Variants in LTBP4 observed in about 807,000 individuals in gnomAD.
LTBP4 encodes the protein latent-transforming growth factor beta-binding protein 4.
Under a neutral mutation model 180.2 loss-of-function variants are expected in LTBP4, and 93 were observed. The observed-to-expected ratio is 0.52, with a 90% CI of 0.44 to 0.61. The LOEUF (loss-of-function observed/expected upper bound fraction) is 0.61. Ranked by LOEUF, LTBP4 falls within the 20% of genes least tolerant of loss-of-function variation. The pLI, the probability that LTBP4 is intolerant of heterozygous loss-of-function variation, is 0.00. For synonymous variants in LTBP4, 947 were observed against 934.5 expected, an observed-to-expected ratio of 1.01 and a Z score of -0.24; for missense variants, 2,116 against 2,256.5, an observed-to-expected ratio of 0.94 and a Z score of 1.26.
rs188153481 is a variant in LTBP4, at chr19:40,593,716, G to C, written c.16+535G>C. ...ATATTAGAGTCATTTTTTTTTCCAG[G>C]CCGGAGAATCCAGAACGCTCGTGTT... On this transcript the variant is annotated intron_variant, in intron 1 of 32. Coordinates refer to the LTBP4 transcript ENST00000204005. 2.4e-4 allele frequency among the ~76,000 whole-genome samples: 36 copies of C among 151,450 alleles called. No individual in the cohort carries two copies. The East Asian group carries it at 5.6e-3, about 24-fold the overall frequency.
intron 26 of LTBP4, among the ~76,000 whole-genome samples, chr19:40,625,057 C>G (rs2081614181): frequency 6.6e-6 from 1 of 150,408 alleles, no homozygotes; most frequent in Non-Finnish European, 1.5e-5. Context: ...AGCTCTGTCT[C>G]TTGAACACTC....
rs1475386822 is a variant in LTBP4 at position 40,613,516 on chromosome 19, A to G, written c.2544A>G (p.Gly848=). 5.7e-6 allele frequency: 9 copies of G among 1,570,952 alleles called. No individual in the cohort carries two copies. Among genetic ancestry groups the G allele is most frequent in the African/African-American group, 1.4e-5 (1 of 73,776 alleles). ...CAPGYRPGPR[G]ASCLDVDECS... Reference sequence around the variant, plus strand: ...CTGGCTACCGACCCGGACCCCGCGGAGCCTCTTGCCTCGGTTCGTACCCGG... The same window carrying G: ...CTGGCTACCGACCCGGACCCCGCGGGGCCTCTTGCCTCGGTTCGTACCCGG... The change falls in exon 17 of 30, where the codon GGA becomes GGG. Residue 848 remains glycine (G), a synonymous_variant. Transcript: ENST00000396819. This position sits in a 1 kb window ranked among gnomAD's most constrained non-coding sequence, Gnocchi z 5.0.
upstream of LTBP4, chr19:40,601,317 G>T: frequency 2.1e-6 from 2 of 974,304 alleles, no homozygotes; most frequent in Non-Finnish European, 2.4e-6. Context: ...CCCCGCGGGC[G>T]GGCGGGCGGG....
Position 40,627,786 on chromosome 19 carries a change from G to C in LTBP4, c.4448G>C (p.Arg1483Pro). The C allele has an allele frequency of 6.4e-7, 1 of 1,570,368 alleles. No homozygotes were observed. Among genetic ancestry groups the C allele is most frequent in the Non-Finnish European group, 8.6e-7 (1 of 1,162,162 alleles). Residue 1483 changes from arginine (R) to proline (P), a missense_variant, in exon 29 of 30, where the codon CGC (arginine) becomes CCC (proline). Arg to Pro is a moderately radical substitution (Grantham distance 103). Coordinates refer to ENST00000396819, the MANE Select transcript of LTBP4 (RefSeq NM_001042545.2). ...LDGCTNGRCV[R>P]VPEGFTCRCF... The stretch of plus-strand genomic sequence containing the variant: ...GGCTGCACCAACGGCCGCTGCGTGC[G>C]CGTCCCCGAAGGCTTCACCTGCCGT...
At position 40,629,780 on chromosome 19, in the gene LTBP4, CTT is replaced by C. The variant is rs1341062880; in HGVS notation, c.*233_*234del. The C allele has an allele frequency of 5.7e-6, 2 of 353,028 alleles. No individual in the cohort carries two copies. The highest frequency in any genetic ancestry group is 4.3e-5 in the African/African-American group (2 of 46,572). The allele number at this position is 353,028 out of a possible 1,614,324, so 21.9% of individuals were successfully genotyped here. The stretch of plus-strand genomic sequence containing the variant: ...AGGGGCCCCTTTACATGCCCTCTCC[CTT>C]TTATAAAATTTTCCATTAAAAACCA... On this transcript the variant is annotated 3_prime_UTR_variant, in exon 30 of 30. Coordinates refer to ENST00000396819, the MANE Select transcript of LTBP4 (RefSeq NM_001042545.2). This position sits in a 1 kb window ranked among gnomAD's most constrained non-coding sequence, Gnocchi z 4.5.
intron 11 of LTBP4, 191 bp downstream of exon 11, chr19:40,610,062 T>A (rs1401951351): frequency 2.9e-6 from 2 of 692,104 alleles, no homozygotes; most frequent in Non-Finnish European, 4.4e-6. Flanking sequence ...ACCCCACCCC[T>A]ACCCAGCTCC....
chr19:40,614,850 C>G (rs1050848760), intron 19 of LTBP4, among the ~76,000 whole-genome samples: 6 of 152,192 alleles, frequency 3.9e-5, no homozygotes, highest in African/African-American at 1.4e-4. Flanking sequence ...CTACTTCCAG[C>G]CTTCCCTCCA....
Position 40,622,324 on chromosome 19 carries a change from C to A in LTBP4, c.3218-77C>A. ...CCCTCTGTTTCCCTATCTATGCCAG[C>A]CTCAGTTTCCCCATCTATGATAGTG... is the stretch of plus-strand genomic sequence containing the variant. On this transcript the variant is annotated intron_variant, in intron 22 of 29. Transcript: ENST00000396819. This position sits in a 1 kb window ranked among gnomAD's most constrained non-coding sequence, Gnocchi z 5.1. 1 of 1,427,450 alleles carries A rather than the reference C, an allele frequency of 7.0e-7. No homozygotes were observed. Among genetic ancestry groups the A allele is most frequent in the Non-Finnish European group, 9.3e-7 (1 of 1,075,538 alleles). The allele number at this position is 1,427,450 out of a possible 1,614,324, so 88.4% of individuals were successfully genotyped here.
In LTBP4 at chr19:40,605,006, G is replaced by A; in HGVS notation, c.251-29G>A. 6.3e-7 allele frequency: 1 copy of A among 1,585,894 alleles called. No individual in the cohort carries two copies. On this transcript the variant is annotated intron_variant, in intron 1 of 29. Coordinates refer to ENST00000396819, the MANE Select transcript of LTBP4 (RefSeq NM_001042545.2). This position sits in a 1 kb window ranked among gnomAD's most constrained non-coding sequence, Gnocchi z 5.5. ...AGGAGAACCTGCCAGGAATGGTGGC[G>A]CCCCTGAGTGTCCTCGTTCTCCTCC...
At chr19:40,597,141 G>C (rs986315519), upstream of LTBP4, 4 of 1,158,584 alleles carry the variant, frequency 3.5e-6, no homozygotes, top group Non-Finnish European at 4.4e-6. Context: ...GTCGGCCTCG[G>C]GCGGGGGCGG....
At chr19:40,597,189 C>G, upstream of LTBP4, 9 of 1,410,542 alleles carry the variant, frequency 6.4e-6, no homozygotes, top group South Asian at 7.7e-5. Context: ...TAGCCTGACC[C>G]GCTGGACAGA....
rs1365889140 is a variant in LTBP4, at chr19:40,627,820, C to T, written c.4482C>T (p.Asp1494=). 1.3e-5 allele frequency: 21 copies of T among 1,570,248 alleles called. No individual in the cohort carries two copies. Among genetic ancestry groups the T allele is most frequent in the East Asian group, 2.3e-5 (1 of 42,838 alleles). The stretch of plus-strand genomic sequence containing the variant: ...AAGGCTTCACCTGCCGTTGCTTCGA[C>T]GGCTACCGCCTGGACATGACCCGCA... ...VPEGFTCRCF[D]GYRLDMTRMA... The change falls in exon 29 of 30, where the codon GAC becomes GAT. Residue 1494 remains aspartate (D), a synonymous_variant. Coordinates refer to ENST00000396819, the MANE Select transcript of LTBP4 (RefSeq NM_001042545.2).
intron 15 of LTBP4, 77 bp from the exon 16 acceptor site, chr19:40,612,988 C>T (rs2081517878): frequency 6.8e-7 from 1 of 1,478,068 alleles, no homozygotes; most frequent in African/African-American, 1.4e-5. Context: ...CCACCTCCCC[C>T]AGACACCCTA....
chr19:40,610,695 G>A, intron 12 of LTBP4, 38 bp downstream of exon 12: 1 of 1,558,558 alleles, frequency 6.4e-7, no homozygotes, highest in Non-Finnish European at 8.7e-7. Flanking sequence ...AGGGGTGTGA[G>A]CGGTTGGGTA....
Position 40,613,100 on chromosome 19 carries a change from G to C in LTBP4, c.2335G>C (p.Gly779Arg). 4.3e-6 allele frequency: 7 copies of C among 1,609,798 alleles called. No individual in the cohort carries two copies. The highest frequency in any genetic ancestry group is 5.9e-6 in the Non-Finnish European group (7 of 1,178,184). Residue 779 changes from glycine (G) to arginine (R), a missense_variant, in exon 16 of 30, where the codon GGT becomes CGT. Around this residue, in one of 5 missense-constraint regions of LTBP4, gnomAD observed 877 missense variants for 873.6 expected, o/e 1.00. Coordinates refer to ENST00000396819, the MANE Select transcript of LTBP4 (RefSeq NM_001042545.2). The surrounding 1 kb of genome is among the most constrained non-coding windows in gnomAD (Gnocchi z 5.0). Reference sequence around the variant, plus strand: ...ATGCAGTTCGGGTGCCCCTCCCTGTGGTCCCCACGGCCACTGCACTAACAC... The same window carrying C: ...ATGCAGTTCGGGTGCCCCTCCCTGTCGTCCCCACGGCCACTGCACTAACAC... ...DECSSGAPPCGPHGHCTNTEG... is the reference protein window; with the variant it reads ...DECSSGAPPCRPHGHCTNTEG...
At chr19:40,607,106 C>A (rs539135323) in intron 6 of LTBP4, among the ~76,000 whole-genome samples, 2 of 152,284 alleles carry the variant, frequency 1.3e-5, no homozygotes, top group African/African-American at 4.8e-5. Flanking sequence ...TCCCCCTCAA[C>A]GACTCGACTA....
chr19:40,607,266 C>A (rs1469823965), intron 6 of LTBP4, 99 bp from the exon 7 acceptor site: 1 of 585,530 alleles, frequency 1.7e-6, no homozygotes, highest in South Asian at 2.2e-5. Context: ...CACCAACCCC[C>A]CACCCCCAAC....
At position 40,609,499 on chromosome 19, in the gene LTBP4, T is replaced by C; in HGVS notation, c.1427-31T>C. Reference sequence around the variant, plus strand: ...ATGAAAGGAACGGAGGATTCAGAGATGGGGGAACCCTGGCTGACTGGACCC... The same window carrying C: ...ATGAAAGGAACGGAGGATTCAGAGACGGGGGAACCCTGGCTGACTGGACCC... On this transcript the variant is annotated intron_variant, in intron 9 of 29. Coordinates refer to ENST00000396819, the MANE Select transcript of LTBP4 (RefSeq NM_001042545.2). This position sits in a 1 kb window ranked among gnomAD's most constrained non-coding sequence, Gnocchi z 4.9. 2 of 1,605,358 alleles carry C rather than the reference T, an allele frequency of 1.2e-6. No homozygotes were observed. Among genetic ancestry groups the C allele is most frequent in the East Asian group, 2.2e-5 (1 of 44,628 alleles).
rs2081505928 is a variant in LTBP4 at position 40,611,473 on chromosome 19, C to A, written c.2053+79C>A. The stretch of plus-strand genomic sequence containing the variant: ...GAGAGATTATTGAGGGGCAGAGAGG[C>A]AGAGTGATGGGGCTCAGGGATGGAG... On this transcript the variant is annotated intron_variant, in intron 13 of 29. Transcript: ENST00000396819. This position sits in a 1 kb window ranked among gnomAD's most constrained non-coding sequence, Gnocchi z 4.4. The A allele has an allele frequency of 3.3e-6, 5 of 1,524,492 alleles. No homozygotes were observed. The South Asian group carries it at 5.0e-5, about 15-fold the overall frequency. 94.4% of individuals were successfully genotyped at this position (1,524,492 alleles called of 1,614,324 possible).
Sources: gnomAD v4.1 joint callset for allele counts (sites outside exome capture counted in the v4.1 genomes callset) on GRCh38, gnomAD v4.1.1 for gene constraint, gnomAD v4.1.1 regional missense constraint, Gnocchi (gnomAD v3.1) non-coding constraint, MANE v1.5 for transcripts, NCBI Gene and HGNC (gene_info 2026-07-23, HGNC 2026-07-21) for gene names.